IGSF10: variants seen among roughly 807,000 people sequenced by gnomAD.
IGSF10 encodes the protein immunoglobulin superfamily member 10.
Under a neutral mutation model 128.2 loss-of-function variants are expected in IGSF10, and 126 were observed. The observed-to-expected ratio is 0.98, with a 90% CI of 0.85 to 1.14. The LOEUF (loss-of-function observed/expected upper bound fraction) is 1.14. Among genes scored for constraint, IGSF10 ranks in the 50% most tolerant of loss-of-function variants. The pLI is 0.00. For synonymous variants in IGSF10, 1,185 were observed against 1,146.2 expected, an observed-to-expected ratio of 1.03 and a Z score of -0.68; for missense variants, 3,295 against 3,149.8, an observed-to-expected ratio of 1.05 and a Z score of -1.10.
the IGSF10 span, among the ~76,000 whole-genome samples, chr3:151,584,945 C>T: frequency 6.6e-6 from 1 of 152,166 alleles, no homozygotes; most frequent in Non-Finnish European, 1.5e-5. Flanking sequence ...TCATTATATC[C>T]AGCAACTTTA....
chr3:151,518,537 C>A, the IGSF10 span, among the ~76,000 whole-genome samples: 1 of 151,998 alleles, frequency 6.6e-6, no homozygotes, highest in African/African-American at 2.4e-5. Flanking sequence ...ACAATTGTCA[C>A]CAGAACAATT....
chr3:151,462,521 A>T (rs1722098602), upstream of IGSF10, among the ~76,000 whole-genome samples: 1 of 152,076 alleles, frequency 6.6e-6, no homozygotes, highest in African/African-American at 2.4e-5. Flanking sequence ...GAAAGTATTT[A>T]TGTTATTCCC....
the IGSF10 span, among the ~76,000 whole-genome samples, chr3:151,516,437 A>G: frequency 1.3e-5 from 2 of 152,072 alleles, no homozygotes; most frequent in East Asian, 3.9e-4. Flanking sequence ...GTATACTTTA[A>G]CCTGTGAAGG....
At chr3:151,518,359 A>T in the IGSF10 span, among the ~76,000 whole-genome samples, 1 of 152,002 alleles carries the variant, frequency 6.6e-6, no homozygotes, top group African/African-American at 2.4e-5. Context: ...GCTGCACTGG[A>T]GTCTCAGCCT....
chr3:151,573,446 C>A, the IGSF10 span, among the ~76,000 whole-genome samples: 1 of 152,170 alleles, frequency 6.6e-6, no homozygotes, highest in Non-Finnish European at 1.5e-5. Context: ...GGATAGTTAG[C>A]TCTTCTTGTT....
At position 151,438,605 on chromosome 3, in the gene IGSF10, G is replaced by C. The variant is rs760957111; in HGVS notation, c.5964-8C>G. On this transcript the variant is annotated splice_polypyrimidine_tract_variant and splice_region_variant and intron_variant, in intron 7 of 7. Coordinates refer to ENST00000282466, the MANE Select transcript of IGSF10 (RefSeq NM_178822.5). Reference sequence around the variant, plus strand: ...TGGATCCAGCTGCCCACTCTAAGGAGAAAAGAGATTCATTTGAGTGTGCAG... The same window carrying C: ...TGGATCCAGCTGCCCACTCTAAGGACAAAAGAGATTCATTTGAGTGTGCAG... 6.2e-7 allele frequency: 1 copy of C among 1,600,634 alleles called. No individual in the cohort carries two copies. The highest frequency in any genetic ancestry group is 1.1e-5 in the South Asian group (1 of 89,802).
chr3:151,564,546 A>G, the IGSF10 span, among the ~76,000 whole-genome samples: 6 of 152,156 alleles, frequency 3.9e-5, no homozygotes, highest in Non-Finnish European at 5.9e-5. Context: ...AGAAGGAAGC[A>G]TTGGGTTTGC....
chr3:151,468,368 A>G, the IGSF10 span, among the ~76,000 whole-genome samples: 17,256 of 152,170 alleles, frequency 0.11, 1,696 homozygotes, highest in African/African-American at 0.27. Context: ...TCCTAGAACA[A>G]GAAATTCTTT....
the IGSF10 span, among the ~76,000 whole-genome samples, chr3:151,537,469 C>T: frequency 6.6e-6 from 1 of 152,146 alleles, no homozygotes. Context: ...TAGATGGAGA[C>T]AACATCATTA....
chr3:151,489,120 A>T, the IGSF10 span, among the ~76,000 whole-genome samples: 1 of 152,340 alleles, frequency 6.6e-6, no homozygotes, highest in East Asian at 1.9e-4. Context: ...ACTGAAACAA[A>T]TTTACAGGAA....
At chr3:151,506,377 G>C in the IGSF10 span, among the ~76,000 whole-genome samples, 1 of 152,018 alleles carries the variant, frequency 6.6e-6, no homozygotes, top group Non-Finnish European at 1.5e-5. Context: ...AAAAACAGTA[G>C]GTAAGTTAAA....
At chr3:151,527,821 T>TA in the IGSF10 span, among the ~76,000 whole-genome samples, 22 of 151,794 alleles carry the variant, frequency 1.4e-4, no homozygotes, top group East Asian at 4.3e-3. Flanking sequence ...GGCATGGTGG[T>TA]ACATGCCTGT....
At chr3:151,606,387 CTAAG>C in the IGSF10 span, among the ~76,000 whole-genome samples, 2 of 152,134 alleles carry the variant, frequency 1.3e-5, no homozygotes, top group African/African-American at 4.8e-5. Context: ...AATTGTCTTA[CTAAG>C]TGAGGGTAAG....
chr3:151,575,839 C>T, the IGSF10 span, among the ~76,000 whole-genome samples: 1 of 152,140 alleles, frequency 6.6e-6, no homozygotes, highest in Non-Finnish European at 1.5e-5. Flanking sequence ...CAGAGCTGTT[C>T]CTATTCGGCC....
At chr3:151,566,800 T>A in the IGSF10 span, among the ~76,000 whole-genome samples, 1 of 152,192 alleles carries the variant, frequency 6.6e-6, no homozygotes, top group African/African-American at 2.4e-5. Context: ...TGTCACAATT[T>A]TTAGCAATTT....
At chr3:151,466,986 T>C in the IGSF10 span, among the ~76,000 whole-genome samples, 2 of 152,080 alleles carry the variant, frequency 1.3e-5, no homozygotes, top group African/African-American at 4.8e-5. Flanking sequence ...GTGAGGCATA[T>C]TGGAAAAAGA....
the IGSF10 span, among the ~76,000 whole-genome samples, chr3:151,496,061 G>A: frequency 4.9e-4 from 74 of 152,034 alleles, no homozygotes; most frequent in African/African-American, 1.4e-3. Context: ...TATGAAACAC[G>A]TTGAATATAA....
the IGSF10 span, among the ~76,000 whole-genome samples, chr3:151,517,257 G>C: frequency 6.6e-6 from 1 of 151,992 alleles, no homozygotes; most frequent in South Asian, 2.1e-4. Flanking sequence ...TGACCATGGA[G>C]AAATATATCC....
the IGSF10 span, among the ~76,000 whole-genome samples, chr3:151,504,230 C>T: frequency 1.3e-5 from 2 of 152,068 alleles, no homozygotes; most frequent in Non-Finnish European, 2.9e-5. Flanking sequence ...AGAACAACGG[C>T]AGTTTGGAGG....
Sources: allele counts gnomAD v4.1 joint callset (sites outside exome capture counted in the v4.1 genomes callset), GRCh38; gene constraint gnomAD v4.1.1; transcripts MANE v1.5; gene names NCBI Gene and HGNC (gene_info 2026-07-23, HGNC 2026-07-21).